IPCEF1: variants seen among roughly 807,000 people sequenced by gnomAD.
IPCEF1 encodes interactor protein for cytohesin exchange factors 1.
IPCEF1 carries 31 observed loss-of-function variants against 50.9 expected under a neutral mutation model. The observed-to-expected ratio is 0.61, with a 90% CI of 0.46 to 0.82. The LOEUF is 0.82. Ranked by LOEUF, IPCEF1 falls within the 40% of genes least tolerant of loss-of-function variation. IPCEF1 has a pLI of 0.00. For missense variants in IPCEF1, 458 were observed against 514.0 expected, an observed-to-expected ratio of 0.89 and a Z score of 1.05; for synonymous variants, 181 against 192.0, an observed-to-expected ratio of 0.94 and a Z score of 0.47.
At chr6:154,246,224 G>C (rs965137355) in intron 5 of IPCEF1, among the ~76,000 whole-genome samples, 3 of 152,182 alleles carry the variant, frequency 2.0e-5, no homozygotes, top group African/African-American at 7.2e-5. Flanking sequence ...TTTTAGTAGA[G>C]AGACCTTAAC....
intron 1 of IPCEF1, among the ~76,000 whole-genome samples, chr6:154,293,291 C>T (rs1201134851): frequency 6.6e-6 from 1 of 152,198 alleles, no homozygotes; most frequent in East Asian, 1.9e-4. Flanking sequence ...AAAAGCAATA[C>T]AACCCAAGTC....
intron 2 of IPCEF1, among the ~76,000 whole-genome samples, chr6:154,286,144 A>G (rs1437042872): frequency 3.3e-5 from 5 of 152,024 alleles, no homozygotes; most frequent in Admixed American, 6.6e-5. Flanking sequence ...CTCCCACTAC[A>G]CACCCTTGAA....
At chr6:154,305,185 A>T (rs952778194) in intron 1 of IPCEF1, among the ~76,000 whole-genome samples, 1 of 151,936 alleles carries the variant, frequency 6.6e-6, no homozygotes, top group Non-Finnish European at 1.5e-5. Flanking sequence ...GCTGTTACTC[A>T]GCCCCCTCCA....
chr6:154,299,538 C>G lies in IPCEF1; in HGVS notation c.-61-9782G>C, dbSNP rs768964544. On this transcript the variant is annotated intron_variant, in intron 1 of 11. Coordinates refer to ENST00000367220, the MANE Select transcript of IPCEF1 (RefSeq NM_001130700.2). ...GCATGCCCTCACTTATAAGTGGGAG[C>G]TGAACGATGAGAAAACATGGACACA... Among the ~76,000 whole-genome samples, 11 of 140,830 alleles carry G rather than the reference C, an allele frequency of 7.8e-5. 2 individuals are homozygous for G. The highest frequency in any genetic ancestry group is 1.4e-4 in the Non-Finnish European group (9 of 62,840). 92.4% of individuals were successfully genotyped at this position (140,830 alleles called of 152,430 possible).
Position 154,193,383 on chromosome 6 carries a change from A to C in IPCEF1, c.910+6285T>G, listed in dbSNP as rs561342156. Among the ~76,000 whole-genome samples, 17 of 152,332 alleles carry C rather than the reference A, an allele frequency of 1.1e-4. No homozygotes were observed. In the East Asian group the frequency reaches 3.3e-3, roughly 29 times the overall value. ...GGGGAAAGGATAAGAGTGAGGTGAC[A>C]GATAAAAGACTACAAGTTGGGTACA... On this transcript the variant is annotated intron_variant, in intron 10 of 11. Transcript: ENST00000367220.
At position 154,246,680 on chromosome 6, in the gene IPCEF1, T is replaced by C; in HGVS notation, c.157A>G (p.Lys53Glu). The C allele has an allele frequency of 6.2e-7, 1 of 1,614,138 alleles. No individual in the cohort carries two copies. Among genetic ancestry groups the C allele is most frequent in the Non-Finnish European group, 8.5e-7 (1 of 1,180,008 alleles). The change falls in exon 5 of 12, where the codon AAG becomes GAG. Residue 53 changes from lysine (K) to glutamate (E), a missense_variant. Lys to Glu is a moderately conservative substitution (Grantham distance 56). Coordinates refer to ENST00000367220, the MANE Select transcript of IPCEF1 (RefSeq NM_001130700.2). ...ADCQGWLYKK[K>E]EKGSFLSNKW... The stretch of plus-strand genomic sequence containing the variant: ...TTGCTTAGGAAACTTCCCTTTTCCT[T>C]TTTCTTATACAGCCACCCTTGGCAG...
chr6:154,331,122 C>A (rs948121647), intron 1 of IPCEF1, among the ~76,000 whole-genome samples: 20 of 152,096 alleles, frequency 1.3e-4, no homozygotes, highest in African/African-American at 4.1e-4. Flanking sequence ...CAAAAATTAA[C>A]CAGGTATGGT....
At chr6:154,243,173 G>A (rs1170734654) in intron 5 of IPCEF1, among the ~76,000 whole-genome samples, 3 of 152,222 alleles carry the variant, frequency 2.0e-5, no homozygotes, top group Non-Finnish European at 4.4e-5. Context: ...GCTGACAAGT[G>A]TGAGGAAATA....
At chr6:154,163,886 T>A (rs933555355) in intron 11 of IPCEF1, among the ~76,000 whole-genome samples, 1 of 152,194 alleles carries the variant, frequency 6.6e-6, no homozygotes, top group Non-Finnish European at 1.5e-5. Flanking sequence ...TGGATAAAGA[T>A]AGGAATCCTT....
chr6:154,318,324 C>A (rs1219341402), intron 1 of IPCEF1, among the ~76,000 whole-genome samples: 1 of 152,106 alleles, frequency 6.6e-6, no homozygotes, highest in African/African-American at 2.4e-5. Context: ...CCTTTCACTA[C>A]ATGAAGACCA....
chr6:154,185,702 C>T (rs551836425), intron 10 of IPCEF1, among the ~76,000 whole-genome samples: 2 of 152,146 alleles, frequency 1.3e-5, no homozygotes, highest in South Asian at 4.2e-4. Context: ...TTCCCTCGGC[C>T]ACATTAGAAG....
intron 5 of IPCEF1, among the ~76,000 whole-genome samples, chr6:154,242,705 G>A (rs1401850556): frequency 6.6e-6 from 1 of 152,110 alleles, no homozygotes; most frequent in Non-Finnish European, 1.5e-5. Context: ...TGGCCAAGGT[G>A]GTGAAACCTT....
At chr6:154,351,798 T>C (rs1050952667) in intron 1 of IPCEF1, among the ~76,000 whole-genome samples, 3 of 152,140 alleles carry the variant, frequency 2.0e-5, no homozygotes, top group African/African-American at 7.2e-5. Context: ...GTGGCTTAAA[T>C]AGCATAAAAA....
chr6:154,284,485 A>G (rs1583945500), intron 2 of IPCEF1, among the ~76,000 whole-genome samples: 2 of 152,282 alleles, frequency 1.3e-5, no homozygotes, highest in East Asian at 3.9e-4. Context: ...TGTTCTGACC[A>G]ATGGGGACTG....
chr6:154,324,789 CAG>C (rs1044935826), intron 1 of IPCEF1, among the ~76,000 whole-genome samples: 3 of 152,080 alleles, frequency 2.0e-5, no homozygotes, highest in African/African-American at 7.2e-5. Context: ...GCCTGGGTGA[CAG>C]AGAGAGATTC....
chr6:154,180,614 T>C (rs1265903120), intron 10 of IPCEF1, among the ~76,000 whole-genome samples: 2 of 152,034 alleles, frequency 1.3e-5, no homozygotes, highest in Non-Finnish European at 2.9e-5. Context: ...AATTTGGCTG[T>C]CGAGAACACT....
At chr6:154,208,040 T>C (rs1472367134) in intron 9 of IPCEF1, among the ~76,000 whole-genome samples, 5 of 152,218 alleles carry the variant, frequency 3.3e-5, no homozygotes, top group Admixed American at 6.5e-5. Context: ...TCTGATTCTA[T>C]GCCTACCTCC....
At chr6:154,229,038 T>G (rs1427902739) in intron 5 of IPCEF1, among the ~76,000 whole-genome samples, 1 of 152,230 alleles carries the variant, frequency 6.6e-6, no homozygotes, top group Non-Finnish European at 1.5e-5. Context: ...TTCCAAAACT[T>G]TTTCCCTATT....
intron 10 of IPCEF1, among the ~76,000 whole-genome samples, chr6:154,174,685 A>T (rs138957585): frequency 2.0e-3 from 310 of 152,294 alleles, no homozygotes; most frequent in African/African-American, 6.9e-3. Flanking sequence ...GTCCTTAGAG[A>T]CCTACAAAGA....
Sources: gnomAD v4.1 joint callset for allele counts (sites outside exome capture counted in the v4.1 genomes callset) on GRCh38, gnomAD v4.1.1 for gene constraint, MANE v1.5 for transcripts, NCBI Gene and HGNC (gene_info 2026-07-23, HGNC 2026-07-21) for gene names.